Variants in POTEE observed in about 807,000 individuals in gnomAD.
POTEE encodes the protein POTE ankyrin domain family member E, also known as ANKRD26-like family C member 1A.
In POTEE, 21 loss-of-function variants were observed where a neutral mutation model predicts 74.2. The ratio of observed to expected loss-of-function variants is 0.28; its 90% CI spans 0.20 to 0.41. The LOEUF is 0.41. Among genes scored for constraint, POTEE ranks in the 10% least tolerant of loss-of-function variants. POTEE has a pLI of 1.00. For missense variants in POTEE, 525 were observed against 1,158.6 expected (o/e 0.45, Z 7.94); for synonymous variants, 211 against 432.8 (o/e 0.49, Z 6.36).
At chr2:131,229,499 A>C (rs1188174143) in intron 8 of POTEE, 1 of 152,246 alleles carries the variant, frequency 6.6e-6, no homozygotes, top group Non-Finnish European at 1.5e-5. Flanking sequence ...TCTAGCTCAC[A>C]GGAAGCCATT....
chr2:131,217,793 C>CCGCACGCGCACG (rs1208608916), intron 3 of POTEE, among the ~76,000 whole-genome samples, 110 bp downstream of exon 3: 7 of 145,342 alleles, frequency 4.8e-5, no homozygotes, highest in African/African-American at 1.7e-4. Context: ...CACGCGCACG[C>CCGCACGCGCACG]CCGGCAGCAG....
In POTEE at chr2:131,218,320, C is replaced by T. The variant is rs1700497552; in HGVS notation, c.-83C>T. 1 of 1,594,132 alleles carries T rather than the reference C, an allele frequency of 6.3e-7. No individual in the cohort carries two copies. Among genetic ancestry groups the T allele is most frequent in the South Asian group, 1.1e-5 (1 of 87,370 alleles). On this transcript the variant is annotated 5_prime_UTR_variant, in exon 4 of 18. Transcript: ENST00000683005. ...TTTCTCTTCAAACAGATTGGAAACC[C>T]GGAGTTACCTGCTAGTTGGTGAAAC...
rs1700688693 is a variant in POTEE at position 131,223,540 on chromosome 2, G to A, written c.522-56G>A. On this transcript the variant is annotated intron_variant, in intron 4 of 17. Transcript: ENST00000683005. ...AGTGTTTGCAGTTACATGAATCATT[G>A]CTATGGCTGTAGCTAGTGCACTACA... The A allele has an allele frequency of 9.9e-6, 16 of 1,608,870 alleles. No individual in the cohort carries two copies. In the South Asian group the frequency reaches 1.7e-4, roughly 17 times the overall value.
intron 4 of POTEE, among the ~76,000 whole-genome samples, chr2:131,220,700 G>A (rs1700592148): frequency 6.6e-6 from 1 of 152,018 alleles, no homozygotes; most frequent in Non-Finnish European, 1.5e-5. Context: ...AGTGGCTTAC[G>A]CCCGTTACCC....
chr2:131,225,033 A>C (rs1700737394), intron 6 of POTEE, among the ~76,000 whole-genome samples: 1 of 152,002 alleles, frequency 6.6e-6, no homozygotes, highest in South Asian at 2.1e-4. Flanking sequence ...CCTCTCTCCT[A>C]CTCCTTACTC....
At chr2:131,211,570 T>TTTTTTTTA (rs1700360605) in intron 2 of POTEE, among the ~76,000 whole-genome samples, 1 of 129,328 alleles carries the variant, frequency 7.7e-6, no homozygotes, top group Admixed American at 8.0e-5. Context: ...TTTTTTTTTT[T>TTTTTTTTA]GAGACAGAGT....
At position 131,224,805 on chromosome 2, in the gene POTEE, G is replaced by A. The variant is rs1000384220; in HGVS notation, c.810+762G>A. ...CAGTGAATAGGTGGTAATGTAAGAG[G>A]AAACCCTTGAGCAGAGGGAATATCA... On this transcript the variant is annotated intron_variant, in intron 6 of 17. Transcript: ENST00000683005. Among the ~76,000 whole-genome samples, 21 of 151,760 alleles carry A rather than the reference G, an allele frequency of 1.4e-4. No individual in the cohort carries two copies. The East Asian group carries it at 4.1e-3, about 30-fold the overall frequency.
At chr2:131,217,482 C>T (rs1289297064) in intron 2 of POTEE, among the ~76,000 whole-genome samples, 107 bp from the exon 3 acceptor site, 4 of 135,864 alleles carry the variant, frequency 2.9e-5, no homozygotes, top group East Asian at 2.2e-4. Context: ...ACAACAGCAC[C>T]GCCAGGAGTG....
intron 6 of POTEE, among the ~76,000 whole-genome samples, chr2:131,224,279 T>A (rs1700717662): frequency 6.6e-6 from 1 of 150,842 alleles, no homozygotes; most frequent in African/African-American, 2.5e-5. Context: ...TTGAAAACAC[T>A]GAATTTGTAA....
chr2:131,227,351 G>A (rs1347103233), intron 7 of POTEE, among the ~76,000 whole-genome samples: 2 of 149,332 alleles, frequency 1.3e-5, no homozygotes, highest in Non-Finnish European at 2.9e-5. Context: ...AAATCCTTTT[G>A]TCTTTTTAAT....
intron 6 of POTEE, among the ~76,000 whole-genome samples, chr2:131,224,305 A>C (rs1483059667): frequency 6.8e-6 from 1 of 148,080 alleles, no homozygotes; most frequent in African/African-American, 2.5e-5. Context: ...AATACTTACT[A>C]TTTTTCAATT....
At chr2:131,220,435 T>C (rs1700582541) in intron 4 of POTEE, among the ~76,000 whole-genome samples, 2 of 152,212 alleles carry the variant, frequency 1.3e-5, no homozygotes, top group South Asian at 4.1e-4. Context: ...TGAACTCCTG[T>C]CCTCGTGATC....
At chr2:131,235,845 A>G (rs576294555) in intron 9 of POTEE, among the ~76,000 whole-genome samples, 1 of 151,754 alleles carries the variant, frequency 6.6e-6, no homozygotes, top group East Asian at 1.9e-4. Context: ...GTGTCAGAAT[A>G]GTGGAGGGAA....
At chr2:131,214,361 T>C (rs1700411529) in intron 2 of POTEE, among the ~76,000 whole-genome samples, 1 of 152,230 alleles carries the variant, frequency 6.6e-6, no homozygotes, top group South Asian at 2.1e-4. Flanking sequence ...AGAAATGTTA[T>C]ATGAGAGAGG....
chr2:131,219,699 C>T (rs186338141), intron 4 of POTEE, among the ~76,000 whole-genome samples: 2,192 of 151,184 alleles, frequency 0.014, 52 homozygotes, highest in African/African-American at 0.051. Flanking sequence ...ATAGTGCCAC[C>T]GCACTCCAGC....
intron 2 of POTEE, among the ~76,000 whole-genome samples, 62 bp downstream of exon 2, chr2:131,211,245 C>A (rs79511033): frequency 2.0e-5 from 3 of 150,896 alleles, no homozygotes; most frequent in African/African-American, 7.4e-5. Context: ...GCTGCATTGA[C>A]GGCGACAGCA....
Position 131,218,386 on chromosome 2 carries a change from C to T in POTEE, c.-17C>T, listed in dbSNP as rs369779542. 6.8e-5 allele frequency: 109 copies of T among 1,612,094 alleles called. No individual in the cohort carries two copies. In the African/African-American group the frequency reaches 8.7e-4, roughly 13 times the overall value. The stretch of plus-strand genomic sequence containing the variant: ...ATCTGTTGGCTACTACTGGCTTCTC[C>T]TGGCTGTTAAAAGCAGATGGTGGTT... On this transcript the variant is annotated 5_prime_UTR_variant, in exon 4 of 18. Coordinates refer to ENST00000683005, the MANE Select transcript of POTEE (RefSeq NM_001083538.3).
chr2:131,219,398 T>C (rs544236787), intron 4 of POTEE, among the ~76,000 whole-genome samples: 3 of 151,060 alleles, frequency 2.0e-5, no homozygotes, highest in East Asian at 3.9e-4. Flanking sequence ...GAAACTGAAA[T>C]GGGAAGATGG....
At chr2:131,213,116 A>G (rs1700390637) in intron 2 of POTEE, among the ~76,000 whole-genome samples, 1 of 151,918 alleles carries the variant, frequency 6.6e-6, no homozygotes, top group African/African-American at 2.4e-5. Context: ...GCCTGCCACC[A>G]CGCCCGGCTA....
Sources: gnomAD v4.1 joint callset for allele counts (sites outside exome capture counted in the v4.1 genomes callset) on GRCh38, gnomAD v4.1.1 for gene constraint, MANE v1.5 for transcripts, NCBI Gene and HGNC (gene_info 2026-07-23, HGNC 2026-07-21) for gene names.